Variants in MRPL42 observed in about 807,000 individuals in gnomAD.
MRPL42 encodes the protein mitochondrial ribosomal protein L42.
A neutral mutation model predicts 17.9 loss-of-function variants in MRPL42; 17 were observed. That is an observed-to-expected ratio of 0.95 (90% CI 0.65 to 1.42). The LOEUF is 1.42. Ranked by LOEUF, MRPL42 falls within the 40% of genes most tolerant of loss-of-function variation. The probability of loss-of-function intolerance (pLI) is 0.00; values close to 1 mark genes in which losing one functional copy is unlikely to be tolerated. For missense variants in MRPL42, 177 were observed against 175.2 expected, an observed-to-expected ratio of 1.01 and a Z score of -0.06; for synonymous variants, 59 against 54.4, an observed-to-expected ratio of 1.08 and a Z score of -0.37.
rs1953621267 is a variant in MRPL42 at position 93,503,250 on chromosome 12, C to A, written c.*2029C>A. On this transcript the variant is annotated 3_prime_UTR_variant, in exon 6 of 6. Transcript: ENST00000549982. ...CAGGGCTTAATTTGAACATCTCGCCCAAAAGTGACTTTTAAAAGCACTTAA... is the reference window on the plus strand; with the variant it reads ...CAGGGCTTAATTTGAACATCTCGCCAAAAAGTGACTTTTAAAAGCACTTAA... 1 of 152,088 alleles carries A rather than the reference C, an allele frequency of 6.6e-6. No homozygotes were observed. The highest frequency in any genetic ancestry group is 6.5e-5 in the Admixed American group (1 of 15,276). 9.4% of individuals were successfully genotyped at this position (152,088 alleles called of 1,614,324 possible).
chr12:93,497,755 A>G (rs1054130407), intron 5 of MRPL42, among the ~76,000 whole-genome samples: 2 of 151,712 alleles, frequency 1.3e-5, no homozygotes, highest in Non-Finnish European at 2.9e-5. Flanking sequence ...AAAAAAAAAA[A>G]AGGCGTCCAC....
At chr12:93,488,153 T>C (rs1355604114) in intron 5 of MRPL42, 1 of 350,122 alleles carries the variant, frequency 2.9e-6, no homozygotes, top group Non-Finnish European at 5.1e-6. Flanking sequence ...TGTATTTTCA[T>C]TAGAGGCGGG....
Position 93,484,971 on chromosome 12 carries a change from CACACACACATATATATATAT to C in MRPL42, c.220-2524_220-2505del, listed in dbSNP as rs1880642207. ...CATTGCTTTTTAAAAAACACACACA[CACACACACATATATATATAT>C]ATATATATATATATATATATATATA... On this transcript the variant is annotated intron_variant, in intron 4 of 5. Transcript: ENST00000549982. 4.9e-3 allele frequency among the ~76,000 whole-genome samples: 166 copies of C among 33,574 alleles called. 6 individuals carry two copies. Among genetic ancestry groups the C allele is most frequent in the African/African-American group, 8.9e-3 (89 of 10,038 alleles). The allele number at this position is 33,574 out of a possible 152,430, so 22.0% of individuals were successfully genotyped here. A position where few individuals can be genotyped will look rare whatever the true frequency, so the allele number is the denominator to read the frequency against.
At position 93,510,634 on chromosome 12, in the gene MRPL42, T is replaced by C. The variant is rs2121303816; in HGVS notation, c.*9413T>C. 1 of 152,318 alleles carries C rather than the reference T, an allele frequency of 6.6e-6. No homozygotes were observed. Among genetic ancestry groups the C allele is most frequent in the Non-Finnish European group, 1.5e-5 (1 of 68,012 alleles). The allele number at this position is 152,318 out of a possible 1,614,324, so 9.4% of individuals were successfully genotyped here. ...GTGTTAGTGTTCTGAATTTTGGCCA[T>C]TCTAAAAGGTGTGTAGTGGTGTCTC... On this transcript the variant is annotated 3_prime_UTR_variant, in exon 6 of 6. Coordinates refer to ENST00000549982, the MANE Select transcript of MRPL42 (RefSeq NM_014050.4).
chr12:93,475,807 C>A (rs1446926838), intron 2 of MRPL42, among the ~76,000 whole-genome samples: 2 of 151,814 alleles, frequency 1.3e-5, no homozygotes, highest in Non-Finnish European at 2.9e-5. Flanking sequence ...ACACGGCGAA[C>A]CCCGTCTCTA....
At chr12:93,500,931 TG>T (rs1383410043) in intron 5 of MRPL42, 1 of 373,826 alleles carries the variant, frequency 2.7e-6, no homozygotes, top group African/African-American at 2.2e-5. Context: ...GAATAACCTC[TG>T]CACTTCAGCC....
chr12:93,472,775 G>A (rs1044933277), intron 2 of MRPL42, among the ~76,000 whole-genome samples: 3 of 152,206 alleles, frequency 2.0e-5, no homozygotes, highest in African/African-American at 7.2e-5. Context: ...CAGCCCGGGA[G>A]TGTAGAACAC....
Position 93,502,989 on chromosome 12 carries a change from C to T in MRPL42, c.*1768C>T, listed in dbSNP as rs1019333991. On this transcript the variant is annotated 3_prime_UTR_variant, in exon 6 of 6. Transcript: ENST00000549982. ...AATTTTGCTAAATAAGCACATAGTC[C>T]GTGATCACCAGCATCACCTGCCCTC... The T allele has an allele frequency of 4.0e-5, 6 of 151,618 alleles. No homozygotes were observed. Among genetic ancestry groups the T allele is most frequent in the African/African-American group, 7.3e-5 (3 of 41,204 alleles). The allele number at this position is 151,618 out of a possible 1,614,324, so 9.4% of individuals were successfully genotyped here.
chr12:93,476,012 A>G (rs1880155475), intron 2 of MRPL42, among the ~76,000 whole-genome samples: 1 of 152,018 alleles, frequency 6.6e-6, no homozygotes, highest in Non-Finnish European at 1.5e-5. Context: ...CAACAAAAAA[A>G]GAAAAACAAT....
rs1953346220 is a variant in MRPL42 at position 93,488,296 on chromosome 12, G to T, written c.383+636G>T. On this transcript the variant is annotated intron_variant, in intron 5 of 5. Transcript: ENST00000549982. ...TTTTTTCTTCTTTTGTAGAGGCAAG[G>T]TCTCACTCACTGTGTTGCGCAGGCT... The T allele has an allele frequency of 7.0e-5, 28 of 398,420 alleles. No homozygotes were observed. The East Asian group carries it at 1.0e-3, about 14-fold the overall frequency. 24.7% of individuals were successfully genotyped at this position (398,420 alleles called of 1,614,324 possible).
chr12:93,497,765 C>T (rs945908193), intron 5 of MRPL42, among the ~76,000 whole-genome samples: 1 of 150,810 alleles, frequency 6.6e-6, no homozygotes, highest in African/African-American at 2.4e-5. Flanking sequence ...AAGGCGTCCA[C>T]TCAGGAAAAG....
chr12:93,490,754 T>C (rs1953397260), intron 5 of MRPL42, among the ~76,000 whole-genome samples: 1 of 152,204 alleles, frequency 6.6e-6, no homozygotes, highest in African/African-American at 2.4e-5. Context: ...AGAAGGATGA[T>C]TTACTAAATA....
chr12:93,483,887 T>C (rs1034590690), intron 4 of MRPL42, among the ~76,000 whole-genome samples: 6 of 152,194 alleles, frequency 3.9e-5, no homozygotes, highest in Non-Finnish European at 2.9e-5. Flanking sequence ...TTTATATCCT[T>C]ATTCTATAAG....
intron 4 of MRPL42, among the ~76,000 whole-genome samples, chr12:93,480,738 C>T (rs914895311): frequency 2.6e-5 from 4 of 151,398 alleles, no homozygotes; most frequent in African/African-American, 2.4e-5. Context: ...GACAGGGTTT[C>T]ACCATGTTGG....
chr12:93,479,358 A>G, intron 3 of MRPL42, 30 bp from the exon 4 acceptor site: 1 of 1,547,724 alleles, frequency 6.5e-7, no homozygotes. Context: ...ATACAGTATA[A>G]CTTTATTTCT....
intron 5 of MRPL42, among the ~76,000 whole-genome samples, chr12:93,496,438 T>C (rs753854845): frequency 9.2e-5 from 14 of 151,964 alleles, no homozygotes; most frequent in Non-Finnish European, 1.8e-4. Flanking sequence ...ATAACATTAA[T>C]AGATACCTAA....
chr12:93,470,084 C>A (rs1387334887), intron 2 of MRPL42, among the ~76,000 whole-genome samples: 1 of 151,506 alleles, frequency 6.6e-6, no homozygotes, highest in Non-Finnish European at 1.5e-5. Flanking sequence ...AGGGTAAATT[C>A]ACAGTCCCAT....
chr12:93,500,603 CTT>C (rs1447503834), intron 5 of MRPL42: 2 of 152,118 alleles, frequency 1.3e-5, no homozygotes, highest in African/African-American at 4.8e-5. Context: ...GTAAATAAAA[CTT>C]TTAACAGAAC....
rs147875606 is a variant in MRPL42 at position 93,496,898 on chromosome 12, C to T, written c.384-4278C>T. Among the ~76,000 whole-genome samples the T allele has an allele frequency of 2.0e-3, 310 of 152,072 alleles. 3 individuals carry two copies. The highest frequency in any genetic ancestry group is 1.7e-3 in the Non-Finnish European group (113 of 67,982). On this transcript the variant is annotated intron_variant, in intron 5 of 5. Coordinates refer to ENST00000549982, the MANE Select transcript of MRPL42 (RefSeq NM_014050.4). ...CACAATCTAGGCTCACTGTAACCTC[C>T]GTCTCCCAGGTACAAGTGATTCCTC...
Sources: gnomAD v4.1 joint callset for allele counts (sites outside exome capture counted in the v4.1 genomes callset) on GRCh38, gnomAD v4.1.1 for gene constraint, MANE v1.5 for transcripts, NCBI Gene and HGNC (gene_info 2026-07-23, HGNC 2026-07-21) for gene names.